DOCK1: variants seen among roughly 807,000 people sequenced by gnomAD.
The protein encoded by DOCK1 is dedicator of cytokinesis 1.
In DOCK1, 138 loss-of-function variants were observed where a neutral mutation model predicts 262.7. The ratio of observed to expected loss-of-function variants is 0.53; its 90% confidence interval spans 0.46 to 0.61. DOCK1 has a LOEUF of 0.61. Ranked by LOEUF, DOCK1 falls within the 20% of genes least tolerant of loss-of-function variation. DOCK1 has a pLI of 0.00. For missense variants in DOCK1, 1,908 were observed against 2,370.7 expected, an observed-to-expected ratio of 0.80 and a Z score of 4.05; for synonymous variants, 866 against 867.4, an observed-to-expected ratio of 1.00 and a Z score of 0.03.
intron 27 of DOCK1, among the ~76,000 whole-genome samples, chr10:127,206,178 C>G (rs2057713724): frequency 9.1e-6 from 1 of 109,290 alleles, no homozygotes; most frequent in Non-Finnish European, 1.7e-5. Context: ...GAGTCTCACT[C>G]TGTTGCCCAG....
intron 27 of DOCK1, among the ~76,000 whole-genome samples, chr10:127,162,575 A>C (rs951075426): frequency 1.3e-5 from 2 of 152,168 alleles, no homozygotes; most frequent in African/African-American, 4.8e-5. Flanking sequence ...TCAGAATCAC[A>C]CACATCCCAT....
chr10:126,933,511 G>A (rs2034335449), intron 1 of DOCK1, among the ~76,000 whole-genome samples: 1 of 152,158 alleles, frequency 6.6e-6, no homozygotes, highest in Non-Finnish European at 1.5e-5. Flanking sequence ...TACTTCCTGG[G>A]TTTTGCATGT....
chr10:127,298,147 T>C (rs1049834106), intron 29 of DOCK1, among the ~76,000 whole-genome samples: 1 of 152,238 alleles, frequency 6.6e-6, no homozygotes, highest in Non-Finnish European at 1.5e-5. Context: ...ATAATTTTAG[T>C]ATTTGTTCAT....
rs929609957 is a variant in DOCK1 at position 127,437,109 on chromosome 10, G to A, written c.5061-1918G>A. Among the ~76,000 whole-genome samples the A allele has an allele frequency of 2.0e-5, 3 of 152,184 alleles. No individual in the cohort carries two copies. Among genetic ancestry groups the A allele is most frequent in the African/African-American group, 7.2e-5 (3 of 41,450 alleles). ...GAATCTAGCGATTTGATCAGATTCA[G>A]ATTTGATTTAGGGACAAGATGACTT... On this transcript the variant is annotated intron_variant, in intron 48 of 51. Coordinates refer to ENST00000623213, the MANE Select transcript of DOCK1 (RefSeq NM_001290223.2). The surrounding 1 kb of genome is among the most constrained non-coding windows in gnomAD (Gnocchi z 4.4).
chr10:127,350,907 C>G (rs1005278435), intron 31 of DOCK1, among the ~76,000 whole-genome samples: 13 of 152,162 alleles, frequency 8.5e-5, no homozygotes, highest in African/African-American at 2.9e-4. Context: ...TAGACAGGGA[C>G]ATCATCACTC....
chr10:126,980,941 C>A (rs1056905796), intron 3 of DOCK1, among the ~76,000 whole-genome samples: 1 of 151,168 alleles, frequency 6.6e-6, no homozygotes, highest in Non-Finnish European at 1.5e-5. Context: ...AAGCAGGACC[C>A]TACGTTTTTT....
intron 49 of DOCK1, among the ~76,000 whole-genome samples, chr10:127,439,490 C>G (rs1253973082): frequency 6.6e-6 from 1 of 152,104 alleles, no homozygotes; most frequent in Non-Finnish European, 1.5e-5. Context: ...CTGCTAGGCT[C>G]TGCCGCTCTG....
At chr10:127,425,730 T>G (rs541836265) in intron 46 of DOCK1, 144 bp from the exon 47 acceptor site, 1 of 1,265,964 alleles carries the variant, frequency 7.9e-7, no homozygotes, top group African/African-American at 1.5e-5. Flanking sequence ...TTGGTGGTAA[T>G]ATGCCTGCTG....
chr10:127,179,929 A>T (rs2055565579), intron 27 of DOCK1, among the ~76,000 whole-genome samples: 1 of 152,190 alleles, frequency 6.6e-6, no homozygotes, highest in Non-Finnish European at 1.5e-5. Context: ...TCATATCCTT[A>T]CAAGGCAGCC....
intron 27 of DOCK1, among the ~76,000 whole-genome samples, chr10:127,163,178 G>A (rs1481179873): frequency 1.3e-5 from 2 of 152,122 alleles, no homozygotes; most frequent in African/African-American, 4.8e-5. Flanking sequence ...TTGCTGGCTG[G>A]GAACATGTCT....
chr10:127,183,760 G>A (rs538955358), intron 27 of DOCK1, among the ~76,000 whole-genome samples: 187 of 152,220 alleles, frequency 1.2e-3, no homozygotes, highest in Non-Finnish European at 2.3e-3. Flanking sequence ...GGCTGGTGAA[G>A]AGAAAATAAA....
chr10:127,441,320 G>A (rs1036378909), intron 49 of DOCK1, among the ~76,000 whole-genome samples: 11 of 152,200 alleles, frequency 7.2e-5, no homozygotes, highest in African/African-American at 1.4e-4. Flanking sequence ...GCCTCCCCAC[G>A]GCTGGCCCTA....
intron 33 of DOCK1, among the ~76,000 whole-genome samples, chr10:127,362,818 G>A (rs2133935755): frequency 4.9e-5 from 1 of 20,262 alleles, no homozygotes; most frequent in East Asian, 1.7e-3. Flanking sequence ...TTCTTGGGTT[G>A]GCACCCACAC....
intron 27 of DOCK1, among the ~76,000 whole-genome samples, chr10:127,245,071 G>GC (rs2059386798): frequency 6.6e-6 from 1 of 152,114 alleles, no homozygotes; most frequent in Non-Finnish European, 1.5e-5. Context: ...ACCCTTATAA[G>GC]CCCACAGATA....
chr10:127,332,349 T>C (rs1227276181), intron 29 of DOCK1, among the ~76,000 whole-genome samples: 1 of 152,170 alleles, frequency 6.6e-6, no homozygotes, highest in East Asian at 1.9e-4. Context: ...GGCTTAAGCT[T>C]TTATTGATTT....
At position 127,122,807 on chromosome 10, in the gene DOCK1, G is replaced by A. The variant is rs575133080; in HGVS notation, c.2624-2667G>A. On this transcript the variant is annotated intron_variant, in intron 25 of 51. Coordinates refer to ENST00000623213, the MANE Select transcript of DOCK1 (RefSeq NM_001290223.2). Reference sequence around the variant, plus strand: ...GGTGGATGGTGAACGTTACCACCAGGTAACCAAAGATGGTTGATAGCATCC... The same window carrying A: ...GGTGGATGGTGAACGTTACCACCAGATAACCAAAGATGGTTGATAGCATCC... Among the ~76,000 whole-genome samples, 10 of 152,218 alleles carry A rather than the reference G, an allele frequency of 6.6e-5. No homozygotes were observed. In the South Asian group the frequency reaches 2.1e-3, roughly 32 times the overall value.
intron 13 of DOCK1, among the ~76,000 whole-genome samples, chr10:127,022,959 A>C (rs1357965026): frequency 1.3e-5 from 2 of 152,174 alleles, no homozygotes; most frequent in South Asian, 4.1e-4. Flanking sequence ...CTCTGCCCAG[A>C]TGATAACCAA....
At chr10:127,423,864 C>T (rs961354280) in intron 46 of DOCK1, among the ~76,000 whole-genome samples, 10 of 152,132 alleles carry the variant, frequency 6.6e-5, no homozygotes, top group African/African-American at 2.4e-5. Context: ...GCTGCAGGCT[C>T]GCTTTGATTA....
intron 48 of DOCK1, among the ~76,000 whole-genome samples, chr10:127,435,860 C>A (rs1288290155): frequency 6.6e-6 from 1 of 152,168 alleles, no homozygotes; most frequent in Admixed American, 6.5e-5. Context: ...AGGTTACATG[C>A]AGAATAAAGT....
Sources: allele counts gnomAD v4.1 joint callset (sites outside exome capture counted in the v4.1 genomes callset), GRCh38; gene constraint gnomAD v4.1.1; non-coding constraint Gnocchi (gnomAD v3.1); transcripts MANE v1.5; gene names NCBI Gene and HGNC (gene_info 2026-07-23, HGNC 2026-07-21).